The following CAMTA1 variants were observed in gnomAD, a reference collection of about 807,000 sequenced individuals.
CAMTA1 encodes calmodulin-binding transcription activator 1.
Under a neutral mutation model 170.9 loss-of-function variants are expected in CAMTA1, and 27 were observed. The ratio of observed to expected loss-of-function variants is 0.16; its 90% CI spans 0.12 to 0.22. The LOEUF is 0.22. Ranked by LOEUF, CAMTA1 falls within the 10% of genes least tolerant of loss-of-function variation. The pLI is 1.00. For missense variants in CAMTA1, 1,619 were observed against 2,217.2 expected, an observed-to-expected ratio of 0.73 and a Z score of 5.42; for synonymous variants, 833 against 891.5, an observed-to-expected ratio of 0.93 and a Z score of 1.17.
chr1:7,083,191 T>A (rs1640262299), intron 3 of CAMTA1, among the ~76,000 whole-genome samples: 1 of 152,222 alleles, frequency 6.6e-6, no homozygotes, highest in African/African-American at 2.4e-5. Flanking sequence ...GGGCCAGGCT[T>A]CATTTCAGAA....
chr1:6,875,235 C>T (rs1669496760), intron 3 of CAMTA1, among the ~76,000 whole-genome samples: 1 of 152,094 alleles, frequency 6.6e-6, no homozygotes, highest in South Asian at 2.1e-4. Flanking sequence ...ACGGTTTTGC[C>T]CTTTTAGTTG....
At chr1:7,062,514 C>T (rs954135712) in intron 3 of CAMTA1, among the ~76,000 whole-genome samples, 2 of 151,994 alleles carry the variant, frequency 1.3e-5, no homozygotes, top group Admixed American at 6.6e-5. Flanking sequence ...GGCTGGGCGC[C>T]GGGGAGAGGT....
At chr1:6,850,656 C>T (rs1050558245) in intron 3 of CAMTA1, among the ~76,000 whole-genome samples, 3 of 152,070 alleles carry the variant, frequency 2.0e-5, no homozygotes, top group East Asian at 1.9e-4. Flanking sequence ...AGAGGTGGGG[C>T]GTGGTGATGA....
chr1:6,904,362 T>C (rs1356543895), intron 3 of CAMTA1, among the ~76,000 whole-genome samples: 1 of 152,204 alleles, frequency 6.6e-6, no homozygotes, highest in African/African-American at 2.4e-5. Context: ...CACCATCTGG[T>C]CCCTGCCCCT....
intron 4 of CAMTA1, among the ~76,000 whole-genome samples, chr1:7,221,004 G>A (rs1282072119): frequency 7.9e-5 from 12 of 152,142 alleles, no homozygotes; most frequent in Non-Finnish European, 1.8e-4. Flanking sequence ...TGCCCTCACG[G>A]GGAATTCCTC....
At chr1:7,013,107 G>A (rs1005144325) in intron 3 of CAMTA1, among the ~76,000 whole-genome samples, 5 of 151,172 alleles carry the variant, frequency 3.3e-5, no homozygotes, top group African/African-American at 4.9e-5. Flanking sequence ...AAACACACTC[G>A]TCCCTCATTG....
chr1:7,007,278 A>G lies in CAMTA1; in HGVS notation c.235-84026A>G, dbSNP rs1699141090. On this transcript the variant is annotated intron_variant, in intron 3 of 22. Coordinates refer to ENST00000303635, the MANE Select transcript of CAMTA1 (RefSeq NM_015215.4). The surrounding 1 kb of genome is among the most constrained non-coding windows in gnomAD (Gnocchi z 4.5). ...CAGCTTGGAGCGTGGAAGCACACAT[A>G]TAATCATCACTTAACTAAAGCTGAG... 6.6e-6 allele frequency among the ~76,000 whole-genome samples: 1 copy of G among 152,190 alleles called. No individual in the cohort carries two copies. Among genetic ancestry groups the G allele is most frequent in the Non-Finnish European group, 1.5e-5 (1 of 68,032 alleles).
chr1:7,181,053 A>G (rs553656128), intron 4 of CAMTA1, among the ~76,000 whole-genome samples: 31 of 152,224 alleles, frequency 2.0e-4, no homozygotes, highest in African/African-American at 7.0e-4. Flanking sequence ...TCAATGCACC[A>G]TGACCAAATG....
chr1:7,595,767 A>T (rs2095394888), intron 6 of CAMTA1, among the ~76,000 whole-genome samples: 1 of 152,242 alleles, frequency 6.6e-6, no homozygotes, highest in African/African-American at 2.4e-5. Context: ...GCCTGAGGTT[A>T]CAGAGCTCAA....
intron 5 of CAMTA1, among the ~76,000 whole-genome samples, chr1:7,321,278 G>T (rs922004426): frequency 6.6e-6 from 1 of 152,174 alleles, no homozygotes; most frequent in African/African-American, 2.4e-5. Context: ...TGACCTTGCT[G>T]CTCATTTTGG....
chr1:7,587,511 A>G lies in CAMTA1; in HGVS notation c.511-52889A>G, dbSNP rs148510123. Among the ~76,000 whole-genome samples the G allele has an allele frequency of 3.7e-3, 558 of 151,844 alleles. 6 individuals carry two copies. The highest frequency in any genetic ancestry group is 0.012 in the African/African-American group (504 of 41,324). ...TTAAGAGGTTCTTCCCTTTTTTCCC[A>G]TTTTGATGATATGTTTCTAAATTAT... On this transcript the variant is annotated intron_variant, in intron 6 of 22. Transcript: ENST00000303635.
rs1042154793 is a variant in CAMTA1, at chr1:7,248,407, G to A, written c.303-1084G>A. ...CTCTCTGGCCGTGGCTGAGAGTGAG[G>A]TGGCAAGCCTGCACTGGCCTCGTGG... On this transcript the variant is annotated intron_variant, in intron 4 of 22. Transcript: ENST00000303635. This position sits in a 1 kb window ranked among gnomAD's most constrained non-coding sequence, Gnocchi z 4.0. 6.6e-6 allele frequency among the ~76,000 whole-genome samples: 1 copy of A among 152,218 alleles called. No individual in the cohort carries two copies. The highest frequency in any genetic ancestry group is 2.4e-5 in the African/African-American group (1 of 41,454).
chr1:6,878,864 A>G (rs900164022), intron 3 of CAMTA1, among the ~76,000 whole-genome samples: 2 of 152,218 alleles, frequency 1.3e-5, no homozygotes, highest in African/African-American at 4.8e-5. Context: ...TCAGGCATTC[A>G]GTGCAGATAG....
At chr1:6,872,868 G>A (rs1483384938) in intron 3 of CAMTA1, among the ~76,000 whole-genome samples, 2 of 152,192 alleles carry the variant, frequency 1.3e-5, no homozygotes, top group Non-Finnish European at 2.9e-5. Context: ...ATTTAATGCT[G>A]ATGTTTTAAT....
At chr1:6,865,205 T>G (rs1557724219) in intron 3 of CAMTA1, among the ~76,000 whole-genome samples, 1 of 152,242 alleles carries the variant, frequency 6.6e-6, no homozygotes, top group Non-Finnish European at 1.5e-5. Flanking sequence ...GTCCATTGAT[T>G]TAAATCCCAC....
intron 5 of CAMTA1, among the ~76,000 whole-genome samples, chr1:7,318,594 T>A (rs1458212731): frequency 6.6e-6 from 1 of 152,216 alleles, no homozygotes; most frequent in Non-Finnish European, 1.5e-5. Context: ...GGGGTTTTCT[T>A]AGTTGACCAC....
At chr1:6,932,901 A>G (rs1472220514) in intron 3 of CAMTA1, among the ~76,000 whole-genome samples, 1 of 152,124 alleles carries the variant, frequency 6.6e-6, no homozygotes, top group Non-Finnish European at 1.5e-5. Flanking sequence ...TCTTTATCAG[A>G]TATATGCTTT....
At chr1:7,659,393 GC>G (rs930829368) in intron 7 of CAMTA1, among the ~76,000 whole-genome samples, 6 of 152,138 alleles carry the variant, frequency 3.9e-5, no homozygotes, top group Admixed American at 3.9e-4. Flanking sequence ...AATTAGCCAG[GC>G]CCGGTGGCAG....
intron 6 of CAMTA1, among the ~76,000 whole-genome samples, chr1:7,596,703 C>T (rs746990350): frequency 1.3e-5 from 2 of 152,222 alleles, no homozygotes; most frequent in South Asian, 4.1e-4. Flanking sequence ...GGCCATCACC[C>T]GCTGGGGACA....
Sources: allele counts gnomAD v4.1 joint callset (sites outside exome capture counted in the v4.1 genomes callset), GRCh38; gene constraint gnomAD v4.1.1; non-coding constraint Gnocchi (gnomAD v3.1); transcripts MANE v1.5; gene names NCBI Gene and HGNC (gene_info 2026-07-23, HGNC 2026-07-21).